Variants in CTNNA3 observed in about 807,000 individuals in gnomAD.
CTNNA3 encodes catenin alpha-3.
In CTNNA3, 76 loss-of-function variants were observed where a neutral mutation model predicts 95.7. That is an observed-to-expected ratio of 0.79 (90% CI 0.66 to 0.96). CTNNA3 has a LOEUF of 0.96. Ranked by LOEUF, CTNNA3 falls within the 40% of genes least tolerant of loss-of-function variation. CTNNA3 has a pLI of 0.00. For missense variants in CTNNA3, 1,191 were observed against 1,089.8 expected, an observed-to-expected ratio of 1.09 and a Z score of -1.31; for synonymous variants, 431 against 374.4, an observed-to-expected ratio of 1.15 and a Z score of -1.74.
intron 7 of CTNNA3, among the ~76,000 whole-genome samples, chr10:67,079,553 CAAT>C (rs1856928097): frequency 6.6e-6 from 1 of 151,864 alleles, no homozygotes; most frequent in Non-Finnish European, 1.5e-5. Flanking sequence ...TAAAACATAA[CAAT>C]AAGATAGTCA....
intron 10 of CTNNA3, among the ~76,000 whole-genome samples, chr10:66,614,102 AAT>A (rs1192944949): frequency 6.6e-6 from 1 of 152,126 alleles, no homozygotes; most frequent in African/African-American, 2.4e-5. Context: ...ATCATAACTT[AAT>A]CAGAACAAGT....
chr10:66,481,160 T>C (rs556254753), intron 11 of CTNNA3, among the ~76,000 whole-genome samples: 7 of 152,142 alleles, frequency 4.6e-5, no homozygotes, highest in African/African-American at 1.7e-4. Flanking sequence ...TATATGAGTA[T>C]ATGTGTGTTT....
intron 7 of CTNNA3, among the ~76,000 whole-genome samples, chr10:66,829,018 T>A (rs1419099460): frequency 6.6e-6 from 1 of 152,220 alleles, no homozygotes; most frequent in African/African-American, 2.4e-5. Flanking sequence ...AACCTGCCTA[T>A]TTTGCATCCA....
intron 12 of CTNNA3, among the ~76,000 whole-genome samples, chr10:66,308,768 T>C (rs2091965067): frequency 6.6e-6 from 1 of 152,204 alleles, no homozygotes; most frequent in Non-Finnish European, 1.5e-5. Flanking sequence ...TTGTACAGGC[T>C]AATTTGCTTA....
chr10:66,996,769 T>A (rs1317961950), intron 7 of CTNNA3, among the ~76,000 whole-genome samples: 1 of 150,938 alleles, frequency 6.6e-6, no homozygotes, highest in Non-Finnish European at 1.5e-5. Context: ...TTTCTAAGGG[T>A]ATGTGCAAAA....
chr10:67,636,389 T>C (rs1839312576), intron 2 of CTNNA3, among the ~76,000 whole-genome samples: 1 of 152,138 alleles, frequency 6.6e-6, no homozygotes, highest in African/African-American at 2.4e-5. Context: ...AGAACAAAGC[T>C]GGAGGCTTCA....
chr10:66,314,145 A>T (rs947503382), intron 12 of CTNNA3, among the ~76,000 whole-genome samples: 2 of 152,152 alleles, frequency 1.3e-5, no homozygotes, highest in Admixed American at 1.3e-4. Context: ...GTTTCATCAT[A>T]GCTCACATGT....
intron 10 of CTNNA3, among the ~76,000 whole-genome samples, chr10:66,593,266 T>A (rs1191324385): frequency 6.6e-6 from 1 of 152,046 alleles, no homozygotes; most frequent in East Asian, 1.9e-4. Flanking sequence ...ACGTTGAAGA[T>A]TTCTGACTTT....
chr10:66,779,536 T>G (rs1180391240), intron 7 of CTNNA3, among the ~76,000 whole-genome samples: 1 of 151,558 alleles, frequency 6.6e-6, no homozygotes, highest in African/African-American at 2.4e-5. Flanking sequence ...TTTTTTTTTG[T>G]ACTTTTAGTA....
chr10:66,151,433 T>C (rs2084194349), intron 13 of CTNNA3, among the ~76,000 whole-genome samples: 1 of 152,022 alleles, frequency 6.6e-6, no homozygotes, highest in South Asian at 2.1e-4. Flanking sequence ...GGAATATCCA[T>C]AGAATTTTGA....
At chr10:66,688,001 C>T (rs1294747381) in intron 9 of CTNNA3, among the ~76,000 whole-genome samples, 4 of 151,772 alleles carry the variant, frequency 2.6e-5, no homozygotes. Flanking sequence ...GTGTCAAACA[C>T]CAAATGAGAA....
chr10:66,034,684 T>C (rs1197406217), intron 15 of CTNNA3, among the ~76,000 whole-genome samples: 2 of 152,226 alleles, frequency 1.3e-5, no homozygotes, highest in Non-Finnish European at 2.9e-5. Context: ...AGAGAACTCC[T>C]TTAATAGCCA....
chr10:67,560,463 GC>G (rs1323841309), intron 3 of CTNNA3, among the ~76,000 whole-genome samples: 1 of 152,134 alleles, frequency 6.6e-6, no homozygotes, highest in Non-Finnish European at 1.5e-5. Context: ...CAACAGGCCT[GC>G]CCTAAAACAG....
intron 9 of CTNNA3, among the ~76,000 whole-genome samples, chr10:66,634,078 G>A (rs1295465391): frequency 1.3e-5 from 2 of 152,078 alleles, no homozygotes; most frequent in African/African-American, 4.8e-5. Context: ...GATGATCTCT[G>A]AGGAGTGAAA....
chr10:66,493,993 C>T (rs1381140402), intron 11 of CTNNA3, among the ~76,000 whole-genome samples: 4 of 141,444 alleles, frequency 2.8e-5, no homozygotes, highest in East Asian at 2.2e-4. Context: ...CTGCAACCTC[C>T]GCCTCCCGGG....
chr10:66,684,772 G>A (rs76038080), intron 9 of CTNNA3, among the ~76,000 whole-genome samples: 4,812 of 152,086 alleles, frequency 0.032, 224 homozygotes, highest in African/African-American at 0.11. Context: ...TTAAAAACAC[G>A]TGCATGATTC....
At chr10:66,906,455 G>C (rs1230687773) in intron 7 of CTNNA3, among the ~76,000 whole-genome samples, 1 of 152,044 alleles carries the variant, frequency 6.6e-6, no homozygotes, top group African/African-American at 2.4e-5. Flanking sequence ...TTAACAAATA[G>C]AATACAAGTG....
intron 11 of CTNNA3, among the ~76,000 whole-genome samples, chr10:66,434,210 A>G (rs2093320337): frequency 6.6e-6 from 1 of 152,136 alleles, no homozygotes; most frequent in South Asian, 2.1e-4. Flanking sequence ...TGGGAATAGC[A>G]TTGAATCTAT....
chr10:67,095,469 C>A (rs1409273868), intron 7 of CTNNA3, among the ~76,000 whole-genome samples: 1 of 151,668 alleles, frequency 6.6e-6, no homozygotes, highest in African/African-American at 2.4e-5. Flanking sequence ...ATCATCAGAG[C>A]TAACTATTTA....
Sources: allele counts gnomAD v4.1 joint callset (sites outside exome capture counted in the v4.1 genomes callset), GRCh38; gene constraint gnomAD v4.1.1; transcripts MANE v1.5; gene names NCBI Gene and HGNC (gene_info 2026-07-23, HGNC 2026-07-21).